ARID5B: variants seen among roughly 807,000 people sequenced by gnomAD.
ARID5B encodes the protein AT-rich interaction domain 5B, also known as AT-rich interactive domain-containing protein 5B.
In ARID5B, 13 loss-of-function variants were observed where a neutral mutation model predicts 97.2. The ratio of observed to expected loss-of-function variants is 0.13; its 90% CI spans 0.09 to 0.21. The LOEUF is 0.21. ARID5B is among the 10% of genes least tolerant of loss of function. ARID5B has a pLI of 1.00. For synonymous variants in ARID5B, 556 were observed against 570.3 expected, an observed-to-expected ratio of 0.97 and a Z score of 0.36; for missense variants, 1,210 against 1,465.3, an observed-to-expected ratio of 0.83 and a Z score of 2.84.
intron 4 of ARID5B, among the ~76,000 whole-genome samples, chr10:62,002,197 G>A (rs1839088526): frequency 6.6e-6 from 1 of 152,188 alleles, no homozygotes; most frequent in African/African-American, 2.4e-5. Context: ...CAAAGCTGTT[G>A]GATCTAGAAT....
rs1840427793 is a variant in ARID5B at position 62,093,951 on chromosome 10, C to T, written c.*921C>T. On this transcript the variant is annotated 3_prime_UTR_variant, in exon 10 of 10. Transcript: ENST00000279873. ...CTCATAAATGGCATAGTTGAAAGAGCTTATACACTGCTTACCCAGCCAAAT... is the reference window on the plus strand; with the variant it reads ...CTCATAAATGGCATAGTTGAAAGAGTTTATACACTGCTTACCCAGCCAAAT... 1 of 233,660 alleles carries T rather than the reference C, an allele frequency of 4.3e-6. No individual in the cohort carries two copies. Among genetic ancestry groups the T allele is most frequent in the Non-Finnish European group, 8.5e-6 (1 of 118,046 alleles). The allele number at this position is 233,660 out of a possible 1,614,324, so 14.5% of individuals were successfully genotyped here. A position where few individuals can be genotyped will look rare whatever the true frequency, so the allele number is the denominator to read the frequency against.
chr10:62,067,441 T>C (rs1840009069), intron 7 of ARID5B, among the ~76,000 whole-genome samples: 1 of 152,206 alleles, frequency 6.6e-6, no homozygotes, highest in Non-Finnish European at 1.5e-5. Context: ...GCTTTGAGAG[T>C]AAAACCTCAG....
At chr10:62,070,152 T>C (rs941295901) in intron 8 of ARID5B, among the ~76,000 whole-genome samples, 4 of 152,176 alleles carry the variant, frequency 2.6e-5, no homozygotes, top group Admixed American at 1.3e-4. Context: ...AGGTTGACAT[T>C]GAAAAGTAAG....
intron 4 of ARID5B, among the ~76,000 whole-genome samples, chr10:62,044,373 C>T (rs1839678426): frequency 2.4e-5 from 2 of 84,842 alleles, no homozygotes. Context: ...GGTTCATTTG[C>T]TCTTTTTTTT....
rs571825414 is a variant in ARID5B, at chr10:62,085,771, G to A, written c.1269G>A (p.Arg423=). The part of the protein sequence containing the change: ...EDKPLPPIKP[R]KQENSSQENE... ...AGCCCCTGCCTCCAATCAAACCTCG[G>A]AAACAGGAGAACAGTTCACAGGAAA... Residue 423 remains arginine (R), a synonymous_variant, in exon 9 of 10, where the codon CGG becomes CGA. Transcript: ENST00000279873. The A allele has an allele frequency of 3.7e-5, 59 of 1,613,910 alleles. 1 individual carries two copies. In the South Asian group the frequency reaches 6.2e-4, roughly 17 times the overall value.
chr10:61,919,051 C>A (rs918486657), intron 2 of ARID5B, among the ~76,000 whole-genome samples: 20 of 77,098 alleles, frequency 2.6e-4, no homozygotes, highest in East Asian at 3.7e-4. Context: ...CCCCCCCCCC[C>A]CAAAAAAATA....
chr10:62,058,063 C>T (rs1358898974), intron 6 of ARID5B, among the ~76,000 whole-genome samples: 1 of 152,160 alleles, frequency 6.6e-6, no homozygotes, highest in African/African-American at 2.4e-5. Flanking sequence ...TAGATTAAAA[C>T]CATGTGTCAT....
At chr10:62,056,967 T>C (rs778937820) in intron 5 of ARID5B, 150 bp from the exon 6 acceptor site, 10 of 698,738 alleles carry the variant, frequency 1.4e-5, no homozygotes, top group Non-Finnish European at 2.3e-5. Flanking sequence ...TCTTCAGTGA[T>C]GCCTCTGAAA....
intron 4 of ARID5B, chr10:62,049,607 G>A (rs1839758706): frequency 2.3e-6 from 3 of 1,330,912 alleles, no homozygotes; most frequent in Non-Finnish European, 2.1e-6. Context: ...GAGAGAGCGG[G>A]TGTGGGAAGG....
chr10:61,985,578 T>A (rs1057449827), intron 3 of ARID5B, among the ~76,000 whole-genome samples: 5 of 152,038 alleles, frequency 3.3e-5, no homozygotes, highest in African/African-American at 1.2e-4. Context: ...GGGTATGAGG[T>A]TTCCTTTTGG....
chr10:61,997,638 A>G (rs1839019501), intron 3 of ARID5B, among the ~76,000 whole-genome samples: 1 of 152,224 alleles, frequency 6.6e-6, no homozygotes, highest in African/African-American at 2.4e-5. Context: ...CAGGCACAGT[A>G]TTTACTATGT....
chr10:62,049,411 C>T (rs1370748097), intron 4 of ARID5B: 4 of 1,550,110 alleles, frequency 2.6e-6, no homozygotes, highest in South Asian at 2.4e-5. Context: ...GGGATGTGGC[C>T]GGGGAGCAGT....
At chr10:61,950,018 T>C (rs1385318607) in intron 3 of ARID5B, among the ~76,000 whole-genome samples, 2 of 151,968 alleles carry the variant, frequency 1.3e-5, no homozygotes, top group Admixed American at 6.6e-5. Flanking sequence ...GTTTTGTTCT[T>C]TTTTTTTGAG....
Position 61,947,441 on chromosome 10 carries a change from G to C in ARID5B, c.502+7033G>C, listed in dbSNP as rs146024200. On this transcript the variant is annotated intron_variant, in intron 3 of 9. Transcript: ENST00000279873. ...CCGCCACCATGCCCAGCTAATTTTT[G>C]TATTTTTTCAGTAGAGACGGGGTTT... Among the ~76,000 whole-genome samples the C allele has an allele frequency of 7.5e-4, 113 of 151,622 alleles. 4 individuals are homozygous for C. In the East Asian group the frequency reaches 0.021, roughly 28 times the overall value.
chr10:62,084,883 G>A (rs1275569140), intron 8 of ARID5B, among the ~76,000 whole-genome samples: 1 of 152,128 alleles, frequency 6.6e-6, no homozygotes, highest in Non-Finnish European at 1.5e-5. Context: ...TCTCGCTGGG[G>A]CGGTCTTTTA....
intron 5 of ARID5B, among the ~76,000 whole-genome samples, chr10:62,054,111 A>T (rs1478480388): frequency 1.3e-5 from 2 of 152,142 alleles, no homozygotes; most frequent in African/African-American, 4.8e-5. Context: ...GCACCTCCTC[A>T]ATCATTTTGG....
intron 2 of ARID5B, among the ~76,000 whole-genome samples, chr10:61,918,188 C>T (rs1482920596): frequency 6.6e-6 from 1 of 152,218 alleles, no homozygotes; most frequent in Admixed American, 6.5e-5. Context: ...AATAAATTCA[C>T]ATGTCTGTTT....
At chr10:62,018,025 C>A (rs1043124001) in intron 4 of ARID5B, among the ~76,000 whole-genome samples, 6 of 152,106 alleles carry the variant, frequency 3.9e-5, no homozygotes, top group Non-Finnish European at 5.9e-5. Flanking sequence ...GATATTTGAC[C>A]TCTGAGATGA....
intron 4 of ARID5B, among the ~76,000 whole-genome samples, chr10:62,049,865 C>G (rs10821948): frequency 6.6e-6 from 1 of 151,940 alleles, no homozygotes; most frequent in African/African-American, 2.4e-5. Context: ...GTCATAATCA[C>G]TCCTTAAGTA....
Sources: allele counts gnomAD v4.1 joint callset (sites outside exome capture counted in the v4.1 genomes callset), GRCh38; gene constraint gnomAD v4.1.1; transcripts MANE v1.5; gene names NCBI Gene and HGNC (gene_info 2026-07-23, HGNC 2026-07-21).